The following MAPKAP1 variants were observed in gnomAD, a reference collection of about 807,000 sequenced individuals.
MAPKAP1 encodes the protein target of rapamycin complex 2 subunit MAPKAP1.
MAPKAP1 carries 20 observed loss-of-function variants against 65.7 expected under a neutral mutation model. The ratio of observed to expected loss-of-function variants is 0.30; its 90% confidence interval spans 0.21 to 0.44. The LOEUF is 0.44. Ranked by LOEUF, MAPKAP1 falls within the 20% of genes least tolerant of loss-of-function variation. MAPKAP1 has a pLI of 1.00. For missense variants in MAPKAP1, 423 were observed against 648.0 expected, an observed-to-expected ratio of 0.65 and a Z score of 3.77; for synonymous variants, 222 against 244.3, an observed-to-expected ratio of 0.91 and a Z score of 0.85.
intron 4 of MAPKAP1, among the ~76,000 whole-genome samples, chr9:125,593,019 G>A (rs1832016117): frequency 6.7e-6 from 1 of 149,794 alleles, no homozygotes. Context: ...ACTCAGGGCT[G>A]GGCATGGTGG....
chr9:125,566,272 A>G (rs1375590785), intron 5 of MAPKAP1, among the ~76,000 whole-genome samples: 1 of 152,218 alleles, frequency 6.6e-6, no homozygotes, highest in East Asian at 1.9e-4. Flanking sequence ...ACTACAACTT[A>G]TAAGACTTCT....
intron 7 of MAPKAP1, among the ~76,000 whole-genome samples, chr9:125,508,804 CTG>C (rs1045627622): frequency 6.6e-6 from 1 of 152,088 alleles, no homozygotes; most frequent in African/African-American, 2.4e-5. Context: ...TGAGCTATGA[CTG>C]TGCCACTGCA....
chr9:125,546,110 G>A (rs1830414812), intron 6 of MAPKAP1, among the ~76,000 whole-genome samples: 1 of 152,162 alleles, frequency 6.6e-6, no homozygotes, highest in African/African-American at 2.4e-5. Flanking sequence ...CCTCCGTGCT[G>A]AAGCCAGGGT....
intron 4 of MAPKAP1, among the ~76,000 whole-genome samples, chr9:125,655,203 A>G (rs532078743): frequency 6.6e-6 from 1 of 152,198 alleles, no homozygotes; most frequent in South Asian, 2.1e-4. Context: ...GTGAATCATT[A>G]AAACAAGACA....
intron 4 of MAPKAP1, among the ~76,000 whole-genome samples, chr9:125,621,979 C>G (rs756580537): frequency 2.0e-5 from 3 of 152,200 alleles, no homozygotes; most frequent in Non-Finnish European, 4.4e-5. Context: ...GTCATCATCA[C>G]TGGCAACATG....
At chr9:125,637,726 C>G (rs1195483610) in intron 4 of MAPKAP1, among the ~76,000 whole-genome samples, 1 of 152,100 alleles carries the variant, frequency 6.6e-6, no homozygotes, top group Non-Finnish European at 1.5e-5. Flanking sequence ...AAATGAGAAA[C>G]GATGTATTAA....
At chr9:125,693,676 T>TATATATACACAC (rs1835266963) in intron 1 of MAPKAP1, among the ~76,000 whole-genome samples, 1 of 127,566 alleles carries the variant, frequency 7.8e-6, no homozygotes, top group African/African-American at 2.7e-5. Context: ...CATATACACG[T>TATATATACACAC]ATATATACAC....
chr9:125,704,323 G>A (rs1455056023), intron 1 of MAPKAP1, among the ~76,000 whole-genome samples: 2 of 152,020 alleles, frequency 1.3e-5, no homozygotes, highest in Admixed American at 6.5e-5. Context: ...CTTCTCACAC[G>A]AGAAAAAAAT....
intron 9 of MAPKAP1, among the ~76,000 whole-genome samples, chr9:125,477,489 C>T (rs780638707): frequency 6.6e-6 from 1 of 152,176 alleles, no homozygotes; most frequent in African/African-American, 2.4e-5. Flanking sequence ...ATTGAGCCAG[C>T]AGGCCTGGGA....
chr9:125,535,456 GCA>G (rs1186679914), intron 7 of MAPKAP1, among the ~76,000 whole-genome samples: 1 of 151,984 alleles, frequency 6.6e-6, no homozygotes, highest in African/African-American at 2.4e-5. Flanking sequence ...GTGCAGCATG[GCA>G]CAGAGCAGAC....
At chr9:125,534,744 A>G (rs541191959) in intron 7 of MAPKAP1, among the ~76,000 whole-genome samples, 1 of 152,286 alleles carries the variant, frequency 6.6e-6, no homozygotes, top group Non-Finnish European at 1.5e-5. Flanking sequence ...ACATACGGAC[A>G]TGACCTAGCC....
At chr9:125,452,738 A>T (rs1853001371) in intron 10 of MAPKAP1, among the ~76,000 whole-genome samples, 1 of 151,936 alleles carries the variant, frequency 6.6e-6, no homozygotes, top group South Asian at 2.1e-4. Context: ...CTAAAAATAC[A>T]AAAACTAGCC....
intron 6 of MAPKAP1, among the ~76,000 whole-genome samples, chr9:125,543,867 T>C (rs1337113827): frequency 1.3e-5 from 2 of 152,110 alleles, no homozygotes; most frequent in Non-Finnish European, 2.9e-5. Flanking sequence ...TCAGTAGATG[T>C]CACTACAGGC....
intron 7 of MAPKAP1, among the ~76,000 whole-genome samples, chr9:125,533,583 T>C (rs1829993471): frequency 6.6e-6 from 1 of 152,110 alleles, no homozygotes; most frequent in Non-Finnish European, 1.5e-5. Flanking sequence ...CCTGAGTACC[T>C]GGGATTACAG....
At chr9:125,662,074 T>C (rs1195824680) in intron 3 of MAPKAP1, among the ~76,000 whole-genome samples, 1 of 152,174 alleles carries the variant, frequency 6.6e-6, no homozygotes, top group Non-Finnish European at 1.5e-5. Context: ...ATCGGATATT[T>C]AATAATATTA....
At chr9:125,681,532 G>C (rs138990857) in intron 1 of MAPKAP1, among the ~76,000 whole-genome samples, 2,133 of 152,200 alleles carry the variant, frequency 0.014, 19 homozygotes, top group South Asian at 0.04. Flanking sequence ...TGGTTTTCTT[G>C]TCTTATGCCA....
At chr9:125,619,952 CT>C (rs1765136564) in intron 4 of MAPKAP1, among the ~76,000 whole-genome samples, 1 of 152,086 alleles carries the variant, frequency 6.6e-6, no homozygotes, top group Non-Finnish European at 1.5e-5. Context: ...AACAATACCC[CT>C]GTCAAGATTC....
At chr9:125,484,414 G>A (rs750032671) in intron 9 of MAPKAP1, 29 bp downstream of exon 9, 1 of 1,584,788 alleles carries the variant, frequency 6.3e-7, no homozygotes, top group Non-Finnish European at 8.6e-7. Flanking sequence ...GACACGACAA[G>A]CTAGCTCATC....
chr9:125,659,752 C>A lies in MAPKAP1; in HGVS notation c.350-1953G>T, dbSNP rs140636360. On this transcript the variant is annotated intron_variant, in intron 3 of 11. Transcript: ENST00000265960. The stretch of plus-strand genomic sequence containing the variant: ...AAAAATCCTCTCTCTATCCCATACT[C>A]CCTCCCTTCTGGTTACTACCATATT... Among the ~76,000 whole-genome samples, 490 of 151,670 alleles carry A rather than the reference C, an allele frequency of 3.2e-3. 2 individuals are homozygous for A. The highest frequency in any genetic ancestry group is 0.011 in the African/African-American group (454 of 41,374).
Sources: gnomAD v4.1 joint callset for allele counts (sites outside exome capture counted in the v4.1 genomes callset) on GRCh38, gnomAD v4.1.1 for gene constraint, MANE v1.5 for transcripts, NCBI Gene and HGNC (gene_info 2026-07-23, HGNC 2026-07-21) for gene names.